Variants in SGK2 observed in about 807,000 individuals in gnomAD.
The protein encoded by SGK2 is serum/glucocorticoid regulated kinase 2, also known as serine/threonine-protein kinase Sgk2.
Under a neutral mutation model 47.5 loss-of-function variants are expected in SGK2, and 36 were observed. The observed-to-expected ratio is 0.76, with a 90% CI of 0.58 to 1.00. The LOEUF is 1.00. Among genes scored for constraint, SGK2 ranks in the 50% least tolerant of loss-of-function variants. The pLI, the probability that SGK2 is intolerant of heterozygous loss-of-function variation, is 0.00. For synonymous variants in SGK2, 157 were observed against 181.9 expected, an observed-to-expected ratio of 0.86 and a Z score of 1.10; for missense variants, 404 against 467.4, an observed-to-expected ratio of 0.86 and a Z score of 1.25.
chr20:43,566,999 C>A, intron 2 of SGK2, 69 bp from the exon 3 acceptor site: 2 of 1,313,944 alleles, frequency 1.5e-6, no homozygotes, highest in Non-Finnish European at 1.1e-6. Flanking sequence ...GGGATCAGGG[C>A]CTGGGCCAGG....
At chr20:43,567,204 T>G in intron 3 of SGK2, 87 bp downstream of exon 3, 1 of 1,125,962 alleles carries the variant, frequency 8.9e-7, no homozygotes, top group Non-Finnish European at 1.3e-6. Flanking sequence ...CCAGATTCTC[T>G]GGTCTAGCAT....
At chr20:43,579,902 G>A (rs1424263170) in intron 11 of SGK2, 70 bp from the exon 12 acceptor site, 3 of 920,614 alleles carry the variant, frequency 3.3e-6, no homozygotes, top group East Asian at 2.4e-5. Context: ...TGGAGGATGT[G>A]GGGGTGAGGT....
At chr20:43,560,993 G>A (rs903954265) in intron 1 of SGK2, among the ~76,000 whole-genome samples, 5 of 152,146 alleles carry the variant, frequency 3.3e-5, no homozygotes. Flanking sequence ...AAATGTATAG[G>A]GAATGAGCAG....
At chr20:43,562,156 G>A (rs1045520170) in intron 1 of SGK2, among the ~76,000 whole-genome samples, 1 of 152,026 alleles carries the variant, frequency 6.6e-6, no homozygotes, top group African/African-American at 2.4e-5. Context: ...GGTCACGCCT[G>A]TAATCCCAGC....
At chr20:43,571,126 C>A in intron 8 of SGK2, 66 bp downstream of exon 8, 1 of 1,601,380 alleles carries the variant, frequency 6.2e-7, no homozygotes. Flanking sequence ...GGTACACTAT[C>A]TGACCATGAG....
At chr20:43,569,659 T>C in intron 6 of SGK2, 143 bp downstream of exon 6, 1 of 966,212 alleles carries the variant, frequency 1.0e-6, no homozygotes, top group Non-Finnish European at 1.5e-6. Context: ...AAACTGAGGT[T>C]CAGGGAGGTA....
At chr20:43,581,100 C>T (rs1980769647) in intron 12 of SGK2, among the ~76,000 whole-genome samples, 1 of 152,240 alleles carries the variant, frequency 6.6e-6, no homozygotes, top group African/African-American at 2.4e-5. Context: ...TGGTCTCGAT[C>T]TCCTGACCTC....
At chr20:43,574,208 C>G (rs927915418) in intron 9 of SGK2, among the ~76,000 whole-genome samples, 1 of 152,188 alleles carries the variant, frequency 6.6e-6, no homozygotes, top group Non-Finnish European at 1.5e-5. Context: ...GAGACCTTGC[C>G]CCCGACTCGG....
intron 1 of SGK2, among the ~76,000 whole-genome samples, chr20:43,563,517 A>G (rs545056064): frequency 1.6e-4 from 24 of 152,342 alleles, no homozygotes; most frequent in Non-Finnish European, 3.2e-4. Context: ...GAACGGGCTC[A>G]AAAGAGAACA....
chr20:43,582,544 C>T (rs1980865975), intron 12 of SGK2, among the ~76,000 whole-genome samples: 1 of 149,610 alleles, frequency 6.7e-6, no homozygotes, highest in Non-Finnish European at 1.5e-5. Context: ...TATGCCACCA[C>T]ACCTGGCTAA....
chr20:43,585,309 A>C lies in SGK2; in HGVS notation c.*293A>C. On this transcript the variant is annotated 3_prime_UTR_variant, in exon 13 of 13. Transcript: ENST00000373100. ...GCCTATTTTGTGTTTAGGGAAGGGA[A>C]AATGGAGGAAAGGGGAGAAGAGCAA... The C allele has an allele frequency of 4.7e-6, 1 of 212,454 alleles. No individual in the cohort carries two copies. The highest frequency in any genetic ancestry group is 9.7e-6 in the Non-Finnish European group (1 of 103,472). The allele number at this position is 212,454 out of a possible 1,614,324, so 13.2% of individuals were successfully genotyped here.
intron 10 of SGK2, among the ~76,000 whole-genome samples, chr20:43,575,461 T>A (rs1407410939): frequency 5.7e-5 from 3 of 52,464 alleles, no homozygotes; most frequent in African/African-American, 1.6e-4. Context: ...GGAGACTCTG[T>A]CTCAAAAAAA....
chr20:43,564,141 C>A (rs1017419942), intron 1 of SGK2, among the ~76,000 whole-genome samples: 5 of 152,250 alleles, frequency 3.3e-5, no homozygotes, highest in African/African-American at 1.2e-4. Flanking sequence ...ACCTAATGAC[C>A]GCCCCAGGCA....
intron 11 of SGK2, 56 bp from the exon 12 acceptor site, chr20:43,579,916 A>C (rs949414152): frequency 2.7e-6 from 3 of 1,119,790 alleles, no homozygotes; most frequent in Non-Finnish European, 4.1e-6. Flanking sequence ...GTGAGGTGAG[A>C]GCACCCATGG....
chr20:43,562,578 T>TTAA (rs112027346), intron 1 of SGK2, among the ~76,000 whole-genome samples: 8 of 147,626 alleles, frequency 5.4e-5, no homozygotes, highest in East Asian at 4.2e-4. Context: ...CAGTCTCTAC[T>TTAA]AAAAATACAA....
chr20:43,568,922 G>C (rs1477673114), intron 5 of SGK2, among the ~76,000 whole-genome samples: 6 of 152,158 alleles, frequency 3.9e-5, no homozygotes, highest in Non-Finnish European at 7.4e-5. Context: ...CTCCGTGGGG[G>C]GTGGAATGGG....
At chr20:43,580,589 A>G (rs1426425266) in intron 12 of SGK2, among the ~76,000 whole-genome samples, 2 of 151,776 alleles carry the variant, frequency 1.3e-5, no homozygotes, top group Non-Finnish European at 2.9e-5. Flanking sequence ...TTAGCCAGAC[A>G]TGGTGGTGCA....
chr20:43,559,537 C>G (rs998143335), intron 1 of SGK2, among the ~76,000 whole-genome samples: 5 of 152,142 alleles, frequency 3.3e-5, no homozygotes, highest in African/African-American at 1.2e-4. Context: ...ACTTCCCTGT[C>G]CTTGCCTCAG....
chr20:43,570,062 G>A (rs901180762), intron 6 of SGK2, among the ~76,000 whole-genome samples: 4 of 152,174 alleles, frequency 2.6e-5, no homozygotes, highest in African/African-American at 9.7e-5. Context: ...GATGCTAAGA[G>A]GGGGGTTTTT....
Sources: gnomAD v4.1 joint callset for allele counts (sites outside exome capture counted in the v4.1 genomes callset) on GRCh38, gnomAD v4.1.1 for gene constraint, MANE v1.5 for transcripts, NCBI Gene and HGNC (gene_info 2026-07-23, HGNC 2026-07-21) for gene names.